Variants in BICD1 observed in about 807,000 individuals in gnomAD.
BICD1 encodes the protein protein bicaudal D homolog 1.
Under a neutral mutation model 92.5 loss-of-function variants are expected in BICD1, and 35 were observed. That is an observed-to-expected ratio of 0.38 (90% CI 0.29 to 0.50). BICD1 has a LOEUF of 0.50. Among genes scored for constraint, BICD1 ranks in the 20% least tolerant of loss-of-function variants. The pLI, the probability that BICD1 is intolerant of heterozygous loss-of-function variation, is 0.93. For synonymous variants in BICD1, 429 were observed against 465.1 expected (o/e 0.92, Z 1.00); for missense variants, 950 against 1,189.8 (o/e 0.80, Z 2.97).
chr12:32,113,560 T>G (rs1174275533), intron 1 of BICD1, among the ~76,000 whole-genome samples: 1 of 151,416 alleles, frequency 6.6e-6, no homozygotes, highest in East Asian at 2.0e-4. Flanking sequence ...TAATTTTTTT[T>G]TGAGACTGAG....
At chr12:32,237,236 A>G (rs1407641620) in intron 2 of BICD1, among the ~76,000 whole-genome samples, 1 of 152,150 alleles carries the variant, frequency 6.6e-6, no homozygotes, top group South Asian at 2.1e-4. Context: ...GAAGGCTGAG[A>G]AAGGTGAGGA....
intron 2 of BICD1, among the ~76,000 whole-genome samples, chr12:32,275,676 C>CCGCCGCTGATTCCCAT (rs1284209917): frequency 6.6e-6 from 1 of 152,006 alleles, no homozygotes; most frequent in Non-Finnish European, 1.5e-5. Flanking sequence ...TGTCGCAGAC[C>CCGCCGCTGATTCCCAT]CGCCGCTGAT....
At chr12:32,142,453 C>CCTATCCTATCTATCTAT (rs1942964682) in intron 1 of BICD1, among the ~76,000 whole-genome samples, 2 of 112,882 alleles carry the variant, frequency 1.8e-5, no homozygotes, top group Non-Finnish European at 3.4e-5. Flanking sequence ...ACCTATCTAT[C>CCTATCCTATCTATCTAT]CTATCTATCT....
intron 2 of BICD1, among the ~76,000 whole-genome samples, chr12:32,269,428 A>G (rs1947080049): frequency 6.6e-6 from 1 of 152,198 alleles, no homozygotes; most frequent in African/African-American, 2.4e-5. Flanking sequence ...TAAGTACTGT[A>G]TAGGAACTAT....
chr12:32,112,476 A>G (rs931440906), intron 1 of BICD1, among the ~76,000 whole-genome samples: 3 of 152,180 alleles, frequency 2.0e-5, no homozygotes, highest in African/African-American at 4.8e-5. Flanking sequence ...ATTTTGCCCT[A>G]TCATCCCCTT....
At chr12:32,322,333 G>T (rs1216588029) in intron 4 of BICD1, among the ~76,000 whole-genome samples, 1 of 152,152 alleles carries the variant, frequency 6.6e-6, no homozygotes, top group Non-Finnish European at 1.5e-5. Flanking sequence ...TATAGCAGCA[G>T]TCCCCAACTT....
chr12:32,168,697 C>T (rs1446958456), intron 1 of BICD1, among the ~76,000 whole-genome samples: 1 of 152,142 alleles, frequency 6.6e-6, no homozygotes, highest in Non-Finnish European at 1.5e-5. Flanking sequence ...GGGCCAGGCA[C>T]GGTGGCTCAC....
intron 2 of BICD1, among the ~76,000 whole-genome samples, chr12:32,230,330 G>T (rs1026635015): frequency 1.3e-5 from 2 of 151,874 alleles, no homozygotes; most frequent in Non-Finnish European, 2.9e-5. Context: ...AGCCCAGGAG[G>T]TCAGGACTGC....
intron 2 of BICD1, among the ~76,000 whole-genome samples, chr12:32,230,529 C>G (rs1019323652): frequency 1.3e-5 from 2 of 152,172 alleles, no homozygotes; most frequent in Admixed American, 6.5e-5. Context: ...ACCAGAAATT[C>G]TAGAGATGAT....
intron 2 of BICD1, among the ~76,000 whole-genome samples, chr12:32,289,946 T>G (rs1947683128): frequency 2.0e-5 from 3 of 152,204 alleles, no homozygotes; most frequent in Non-Finnish European, 2.9e-5. Flanking sequence ...CCTACAGAAT[T>G]GCTTTAAGAG....
chr12:32,110,420 G>A (rs1313422004), intron 1 of BICD1, among the ~76,000 whole-genome samples: 1 of 152,160 alleles, frequency 6.6e-6, no homozygotes, highest in Non-Finnish European at 1.5e-5. Flanking sequence ...TTTGAAAAAA[G>A]GATGACTTCT....
intron 1 of BICD1, among the ~76,000 whole-genome samples, chr12:32,171,454 G>C (rs539395017): frequency 2.6e-5 from 4 of 152,300 alleles, no homozygotes; most frequent in Admixed American, 2.6e-4. Flanking sequence ...GCTAGATGGT[G>C]ATGCTTTCCT....
At position 32,379,896 on chromosome 12, in the gene BICD1, TG is replaced by T. The variant is rs1940124029; in HGVS notation, c.*2270del. 1 of 152,214 alleles carries T rather than the reference TG, an allele frequency of 6.6e-6. No individual in the cohort carries two copies. Among genetic ancestry groups the T allele is most frequent in the Non-Finnish European group, 1.5e-5 (1 of 68,050 alleles). The allele number at this position is 152,214 out of a possible 1,614,324, so 9.4% of individuals were successfully genotyped here. ...GGGCAGTATTGCCAGTCGGCAATGTTGTATTTGCATTCTTTATCCCTAACTC... is the reference window on the plus strand; with the variant it reads ...GGGCAGTATTGCCAGTCGGCAATGTTTATTTGCATTCTTTATCCCTAACTC... On this transcript the variant is annotated 3_prime_UTR_variant, in exon 10 of 10. Coordinates refer to ENST00000652176, the MANE Select transcript of BICD1 (RefSeq NM_001714.4).
intron 1 of BICD1, among the ~76,000 whole-genome samples, chr12:32,163,044 A>G (rs1403374512): frequency 2.7e-5 from 3 of 112,710 alleles, no homozygotes; most frequent in Non-Finnish European, 6.7e-5. Context: ...GTTTTAACAT[A>G]TTTAGTTGAA....
At chr12:32,216,132 C>T in intron 1 of BICD1, 115 bp from the exon 2 acceptor site, 1 of 974,384 alleles carries the variant, frequency 1.0e-6, no homozygotes, top group Non-Finnish European at 1.5e-6. Flanking sequence ...TTTCGGGGGT[C>T]TTGCAGGGTA....
At chr12:32,339,974 T>G in intron 8 of BICD1, 1 of 837,124 alleles carries the variant, frequency 1.2e-6, no homozygotes, top group Non-Finnish European at 1.4e-6. Flanking sequence ...TAGGGCAAGC[T>G]TCGCACTTTG....
Position 32,181,786 on chromosome 12 carries a change from A to G in BICD1, c.214-34461A>G, listed in dbSNP as rs1052737910. On this transcript the variant is annotated intron_variant, in intron 1 of 9. Coordinates refer to ENST00000652176, the MANE Select transcript of BICD1 (RefSeq NM_001714.4). ...TATTATCATTTTAACAGAGAAAAAC[A>G]CTGACCTATGTAATTTTAGTGCAAT... Among the ~76,000 whole-genome samples, 5 of 152,058 alleles carry G rather than the reference A, an allele frequency of 3.3e-5. 1 individual carries two copies. Among genetic ancestry groups the G allele is most frequent in the Admixed American group, 6.6e-5 (1 of 15,256 alleles).
At chr12:32,288,857 C>A (rs1235525952) in intron 2 of BICD1, among the ~76,000 whole-genome samples, 1 of 149,590 alleles carries the variant, frequency 6.7e-6, no homozygotes, top group Non-Finnish European at 1.5e-5. Context: ...CAGAGCAAGA[C>A]TCTTTCAAAA....
chr12:32,225,997 C>A (rs1945677265), intron 2 of BICD1, among the ~76,000 whole-genome samples: 1 of 152,180 alleles, frequency 6.6e-6, no homozygotes, highest in Non-Finnish European at 1.5e-5. Flanking sequence ...ATTTGCATTT[C>A]ACTATTGACT....
Sources: gnomAD v4.1 joint callset for allele counts (sites outside exome capture counted in the v4.1 genomes callset) on GRCh38, gnomAD v4.1.1 for gene constraint, MANE v1.5 for transcripts, NCBI Gene and HGNC (gene_info 2026-07-23, HGNC 2026-07-21) for gene names.